NRXN3: variants seen among roughly 807,000 people sequenced by gnomAD.
NRXN3 encodes neurexin 3.
A neutral mutation model predicts 137.6 loss-of-function variants in NRXN3; 32 were observed. The ratio of observed to expected loss-of-function variants is 0.23; its 90% CI spans 0.18 to 0.31. NRXN3 has a LOEUF of 0.31. Ranked by LOEUF, NRXN3 falls within the 10% of genes least tolerant of loss-of-function variation. The pLI is 1.00. For missense variants in NRXN3, 1,574 were observed against 2,062.5 expected (o/e 0.76, Z 4.59); for synonymous variants, 798 against 784.5 (o/e 1.02, Z -0.29).
At chr14:78,551,635 T>G (rs535648945) in intron 4 of NRXN3, among the ~76,000 whole-genome samples, 9 of 147,994 alleles carry the variant, frequency 6.1e-5, no homozygotes, top group Non-Finnish European at 1.2e-4. Flanking sequence ...CTTTCCCCCT[T>G]TCTCCTTCCT....
At chr14:79,514,900 G>T (rs1014453517) in intron 16 of NRXN3, among the ~76,000 whole-genome samples, 1 of 141,610 alleles carries the variant, frequency 7.1e-6, no homozygotes. Context: ...CTGTCTAGGG[G>T]GTAATGTGCT....
At chr14:78,400,415 T>C (rs2091942504) in intron 4 of NRXN3, among the ~76,000 whole-genome samples, 1 of 152,234 alleles carries the variant, frequency 6.6e-6, no homozygotes, top group African/African-American at 2.4e-5. Flanking sequence ...TATTTTCTCT[T>C]CTTGAGCTTT....
At chr14:78,954,298 C>T (rs1205243754) in intron 10 of NRXN3, among the ~76,000 whole-genome samples, 1 of 152,148 alleles carries the variant, frequency 6.6e-6, no homozygotes, top group Admixed American at 6.5e-5. Context: ...TTTACAAAAT[C>T]CCACTGGGAC....
At chr14:79,637,305 TA>T in intron 16 of NRXN3, among the ~76,000 whole-genome samples, 1 of 152,310 alleles carries the variant, frequency 6.6e-6, no homozygotes, top group Admixed American at 6.5e-5. Flanking sequence ...TTATTATTGT[TA>T]TTGTTATTAT....
At chr14:78,330,469 C>T (rs181898382) in intron 4 of NRXN3, among the ~76,000 whole-genome samples, 9 of 152,266 alleles carry the variant, frequency 5.9e-5, no homozygotes, top group Non-Finnish European at 8.8e-5. Flanking sequence ...TCCACTCTAA[C>T]GCCTTTCCCA....
chr14:79,040,454 A>T (rs1233853962), intron 15 of NRXN3, among the ~76,000 whole-genome samples: 1 of 152,210 alleles, frequency 6.6e-6, no homozygotes, highest in Non-Finnish European at 1.5e-5. Context: ...GGGGAACATG[A>T]GAAAGTTCCT....
Position 78,308,133 on chromosome 14 carries a change from C to T in NRXN3, c.757+10273C>T, listed in dbSNP as rs890663713. ...ATATAGAGAATTTAAAAAATTTGTT[C>T]GACTAAAGAGCCATTGTGTGCATGT... is the stretch of plus-strand genomic sequence containing the variant. On this transcript the variant is annotated intron_variant, in intron 4 of 20. Coordinates refer to ENST00000335750, the MANE Select transcript of NRXN3 (RefSeq NM_001330195.2). Among the ~76,000 whole-genome samples, 42 of 151,314 alleles carry T rather than the reference C, an allele frequency of 2.8e-4. 1 individual carries two copies. Among genetic ancestry groups the T allele is most frequent in the South Asian group, 2.1e-4 (1 of 4,794 alleles).
At chr14:78,650,772 C>A (rs923062555) in intron 5 of NRXN3, among the ~76,000 whole-genome samples, 3 of 152,166 alleles carry the variant, frequency 2.0e-5, no homozygotes, top group African/African-American at 7.2e-5. Flanking sequence ...CAAATGTCTT[C>A]TTTGCTGTTT....
rs1413204122 is a variant in NRXN3 at position 78,879,467 on chromosome 14, A to G, written c.2275+69123A>G. On this transcript the variant is annotated intron_variant, in intron 10 of 20. Coordinates refer to ENST00000335750, the MANE Select transcript of NRXN3 (RefSeq NM_001330195.2). ...TGTGGTTTTAATTTGCATTTCCCTGATAATTAGTGATGTTGAACATTTTTT... is the reference window on the plus strand; with the variant it reads ...TGTGGTTTTAATTTGCATTTCCCTGGTAATTAGTGATGTTGAACATTTTTT... Among the ~76,000 whole-genome samples, 3 of 152,146 alleles carry G rather than the reference A, an allele frequency of 2.0e-5. No homozygotes were observed. The East Asian group carries it at 5.8e-4, about 29-fold the overall frequency.
intron 9 of NRXN3, among the ~76,000 whole-genome samples, chr14:78,805,098 A>G (rs188210814): frequency 1.5e-4 from 23 of 152,262 alleles, no homozygotes; most frequent in African/African-American, 5.3e-4. Flanking sequence ...GAAAATGCCT[A>G]CATCATAAAC....
At chr14:78,674,925 A>C (rs780009579) in intron 6 of NRXN3, among the ~76,000 whole-genome samples, 1 of 152,218 alleles carries the variant, frequency 6.6e-6, no homozygotes, top group Non-Finnish European at 1.5e-5. Flanking sequence ...GAATAGTACA[A>C]GCTATTTTAG....
At chr14:79,362,166 A>G (rs957798310) in intron 15 of NRXN3, among the ~76,000 whole-genome samples, 4 of 150,946 alleles carry the variant, frequency 2.6e-5, no homozygotes, top group Non-Finnish European at 5.9e-5. Context: ...ATTTTTTATT[A>G]TACTTTAAGT....
intron 2 of NRXN3, among the ~76,000 whole-genome samples, chr14:78,274,147 G>T (rs1426651396): frequency 1.3e-5 from 2 of 152,202 alleles, no homozygotes; most frequent in Admixed American, 6.5e-5. Flanking sequence ...TTCTGCAAGT[G>T]CAATAGTGGT....
At chr14:78,973,564 C>T (rs2099452010) in intron 14 of NRXN3, among the ~76,000 whole-genome samples, 1 of 152,252 alleles carries the variant, frequency 6.6e-6, no homozygotes, top group East Asian at 1.9e-4. Context: ...AAAAAGTACT[C>T]TTGAGGAAGA....
chr14:78,186,375 C>T (rs2060229197), intron 1 of NRXN3, among the ~76,000 whole-genome samples: 1 of 152,252 alleles, frequency 6.6e-6, no homozygotes, highest in African/African-American at 2.4e-5. Flanking sequence ...GTGCAGGAAC[C>T]TGAGTTCATG....
intron 15 of NRXN3, among the ~76,000 whole-genome samples, chr14:79,149,792 T>C (rs919900962): frequency 1.3e-5 from 2 of 151,796 alleles, no homozygotes; most frequent in African/African-American, 4.8e-5. Context: ...TACTTGTAAG[T>C]GGGAGCTGAA....
At chr14:79,012,471 AT>A (rs1426486440) in intron 15 of NRXN3, among the ~76,000 whole-genome samples, 1 of 152,182 alleles carries the variant, frequency 6.6e-6, no homozygotes, top group Non-Finnish European at 1.5e-5. Flanking sequence ...CTAGAGCATA[AT>A]AATGCATATG....
chr14:79,519,661 T>C (rs2097039357), intron 16 of NRXN3, among the ~76,000 whole-genome samples: 1 of 151,986 alleles, frequency 6.6e-6, no homozygotes, highest in Admixed American at 6.6e-5. Context: ...GACCCAAGAA[T>C]TAAGAGAGAG....
At chr14:78,404,878 T>G (rs1037443933) in intron 4 of NRXN3, among the ~76,000 whole-genome samples, 24 of 152,292 alleles carry the variant, frequency 1.6e-4, no homozygotes, top group Middle Eastern at 6.8e-3. Context: ...AGTGGAATTA[T>G]TAGACAAGGA....
Sources: allele counts gnomAD v4.1 joint callset (sites outside exome capture counted in the v4.1 genomes callset), GRCh38; gene constraint gnomAD v4.1.1; transcripts MANE v1.5; gene names NCBI Gene and HGNC (gene_info 2026-07-23, HGNC 2026-07-21).